The following BUB1B variants were observed in gnomAD, a reference collection of about 807,000 sequenced individuals.
BUB1B encodes the protein mitotic checkpoint serine/threonine-protein kinase BUB1 beta.
A neutral mutation model predicts 137.7 loss-of-function variants in BUB1B; 86 were observed. The ratio of observed to expected loss-of-function variants is 0.62; its 90% confidence interval spans 0.52 to 0.75. The LOEUF is 0.75. Among genes scored for constraint, BUB1B ranks in the 30% least tolerant of loss-of-function variants. The pLI is 0.00. For missense variants in BUB1B, 1,130 were observed against 1,236.9 expected, an observed-to-expected ratio of 0.91 and a Z score of 1.30; for synonymous variants, 420 against 417.9, an observed-to-expected ratio of 1.00 and a Z score of -0.06.
At chr15:40,162,267 TTGTCACTGGA>T (rs1189800439) in intron 1 of BUB1B, among the ~76,000 whole-genome samples, 78 of 152,292 alleles carry the variant, frequency 5.1e-4, no homozygotes, top group Non-Finnish European at 6.6e-4. Context: ...TCCAAGGCCA[TTGTCACTGGA>T]GCAGAATTAA....
In BUB1B at chr15:40,200,183, A is replaced by G. The variant is rs182819749; in HGVS notation, c.1402-61A>G. The G allele has an allele frequency of 4.4e-5, 50 of 1,136,664 alleles. No homozygotes were observed. The East Asian group carries it at 1.2e-3, about 27-fold the overall frequency. 70.4% of individuals were successfully genotyped at this position (1,136,664 alleles called of 1,614,324 possible). On this transcript the variant is annotated intron_variant, in intron 10 of 22. Coordinates refer to ENST00000287598, the MANE Select transcript of BUB1B (RefSeq NM_001211.6). Reference sequence around the variant, plus strand: ...AGAGTACAGTAAAGCTAATGTTAGAACTAGAAAATAGCATTTTCTGGATGG... The same window carrying G: ...AGAGTACAGTAAAGCTAATGTTAGAGCTAGAAAATAGCATTTTCTGGATGG...
chr15:40,216,012 C>T (rs2037775371), intron 20 of BUB1B, among the ~76,000 whole-genome samples: 4 of 151,972 alleles, frequency 2.6e-5, no homozygotes, highest in African/African-American at 9.7e-5. Flanking sequence ...AAATGAGATC[C>T]AAAAAAATGG....
At chr15:40,209,934 T>C (rs1163109637) in intron 17 of BUB1B, among the ~76,000 whole-genome samples, 159 bp downstream of exon 17, 2 of 152,376 alleles carry the variant, frequency 1.3e-5, no homozygotes, top group Non-Finnish European at 2.9e-5. Context: ...CATGTCCTAA[T>C]AATAGGAATT....
At chr15:40,218,897 T>C (rs1398173874) in intron 22 of BUB1B, among the ~76,000 whole-genome samples, 1 of 152,204 alleles carries the variant, frequency 6.6e-6, no homozygotes, top group Non-Finnish European at 1.5e-5. Flanking sequence ...GGTGTTAGCC[T>C]TAAATTCCTT....
chr15:40,180,662 T>TC (rs1195968364), intron 5 of BUB1B, among the ~76,000 whole-genome samples: 1 of 138,018 alleles, frequency 7.2e-6, no homozygotes, highest in African/African-American at 2.9e-5. Flanking sequence ...TTTTTTTTTT[T>TC]TTTTTGAGAC....
intron 9 of BUB1B, among the ~76,000 whole-genome samples, chr15:40,198,520 C>A (rs937832419): frequency 2.6e-5 from 4 of 152,296 alleles, no homozygotes; most frequent in African/African-American, 9.6e-5. Context: ...ACTTCAAAGA[C>A]TTGCCAACTA....
chr15:40,181,810 C>T (rs1181937892), intron 5 of BUB1B, among the ~76,000 whole-genome samples: 2 of 152,134 alleles, frequency 1.3e-5, no homozygotes, highest in African/African-American at 4.8e-5. Context: ...CTGTTTCATT[C>T]TTTTTTATAA....
intron 2 of BUB1B, chr15:40,166,604 T>C (rs2037101625): frequency 9.2e-6 from 2 of 217,152 alleles, no homozygotes; most frequent in South Asian, 1.1e-4. Flanking sequence ...CCTCCCAAAG[T>C]GCTGGGATTA....
intron 20 of BUB1B, among the ~76,000 whole-genome samples, chr15:40,216,579 T>A (rs1433238191): frequency 1.4e-3 from 176 of 129,964 alleles, no homozygotes; most frequent in African/African-American, 6.1e-3. Flanking sequence ...ATATTTTTTT[T>A]TTTTTTTAAT....
Position 40,210,409 on chromosome 15 carries a change from A to G in BUB1B, c.2385+199A>G, listed in dbSNP as rs534389427. On this transcript the variant is annotated intron_variant, in intron 18 of 22. Transcript: ENST00000287598. ...CTGCTCCAATCTGGACAAGTTATACATTAGCTTTCACACAATCACCACACA... is the reference window on the plus strand; with the variant it reads ...CTGCTCCAATCTGGACAAGTTATACGTTAGCTTTCACACAATCACCACACA... Among the ~76,000 whole-genome samples the G allele has an allele frequency of 2.2e-4, 33 of 152,326 alleles. No homozygotes were observed. The East Asian group carries it at 6.0e-3, about 28-fold the overall frequency.
At chr15:40,182,248 T>C (rs1425073766) in intron 5 of BUB1B, among the ~76,000 whole-genome samples, 2 of 152,186 alleles carry the variant, frequency 1.3e-5, no homozygotes, top group Non-Finnish European at 2.9e-5. Flanking sequence ...ACCATCTGGG[T>C]CATTTTATGT....
At position 40,212,256 on chromosome 15, in the gene BUB1B, A is replaced by G. The variant is rs574605076; in HGVS notation, c.2386-243A>G. Reference sequence around the variant, plus strand: ...GAAAATAGCCTTGTAGTGTAAATGTAGCTCAGCTTTCTCCTCTGCCAAAAT... The same window carrying G: ...GAAAATAGCCTTGTAGTGTAAATGTGGCTCAGCTTTCTCCTCTGCCAAAAT... On this transcript the variant is annotated intron_variant, in intron 18 of 22. Coordinates refer to ENST00000287598, the MANE Select transcript of BUB1B (RefSeq NM_001211.6). 2.6e-5 allele frequency among the ~76,000 whole-genome samples: 4 copies of G among 152,342 alleles called. No individual in the cohort carries two copies. In the South Asian group the frequency reaches 6.2e-4, roughly 24 times the overall value.
chr15:40,206,477 G>A lies in BUB1B; in HGVS notation c.2009+19G>A. 1 of 1,613,980 alleles carries A rather than the reference G, an allele frequency of 6.2e-7. No individual in the cohort carries two copies. The highest frequency in any genetic ancestry group is 8.5e-7 in the Non-Finnish European group (1 of 1,179,990). Reference sequence around the variant, plus strand: ...AGCTGAGGTGATTGGGGATTTACAGGTTTTACAAACCAGATTGTTTACTCT... The same window carrying A: ...AGCTGAGGTGATTGGGGATTTACAGATTTTACAAACCAGATTGTTTACTCT... On this transcript the variant is annotated intron_variant, in intron 15 of 22. Transcript: ENST00000287598.
At chr15:40,198,045 A>C (rs1277627099) in intron 9 of BUB1B, among the ~76,000 whole-genome samples, 36 of 152,094 alleles carry the variant, frequency 2.4e-4, no homozygotes. Flanking sequence ...AGTGGCTCAC[A>C]CCTGTAATCC....
At chr15:40,217,443 A>C in intron 20 of BUB1B, 53 bp from the exon 21 acceptor site, 12,118 of 1,109,174 alleles carry the variant, frequency 0.011, no homozygotes, top group Non-Finnish European at 0.015. Context: ...CCAGCTATGC[A>C]GCTTCTTTCA....
At chr15:40,170,392 T>G in intron 3 of BUB1B, 145 bp from the exon 4 acceptor site, 1 of 1,003,100 alleles carries the variant, frequency 1.0e-6, no homozygotes, top group South Asian at 1.4e-5. Context: ...TGGAGAAGTT[T>G]GAGGGATACA....
rs761247619 is a variant in BUB1B, at chr15:40,210,098, C to T, written c.2285-12C>T. The T allele has an allele frequency of 3.2e-6, 5 of 1,583,514 alleles. No homozygotes were observed. In the African/African-American group the frequency reaches 6.7e-5, roughly 21 times the overall value. On this transcript the variant is annotated splice_polypyrimidine_tract_variant and intron_variant, in intron 17 of 22. Coordinates refer to ENST00000287598, the MANE Select transcript of BUB1B (RefSeq NM_001211.6). ...ACAGTGATTTTTAAATGGAATCAAA[C>T]TTTCTCAACAGGTAATGAGGATTAC... is the stretch of plus-strand genomic sequence containing the variant.
In BUB1B at chr15:40,202,588, GTCC is replaced by G; in HGVS notation, c.1633_1635del (p.Pro545del). ...GCTAAGTGAGGTATGTCTTTTTCCA[GTCC>G]TCCTGCAGATCCCCCACGAGTTTTA... On this transcript the variant is annotated inframe_deletion and splice_region_variant, in exon 14 of 23. Transcript: ENST00000287598. 2 of 1,613,742 alleles carry G rather than the reference GTCC, an allele frequency of 1.2e-6. No homozygotes were observed. The highest frequency in any genetic ancestry group is 1.1e-5 in the South Asian group (1 of 91,080).
At position 40,196,706 on chromosome 15, in the gene BUB1B, T is replaced by G. The variant is rs750703763; in HGVS notation, c.1220T>G (p.Val407Gly). Residue 407 changes from valine (V) to glycine (G), a missense_variant, in exon 9 of 23, where the codon GTA becomes GGA. By Grantham distance (109) the Val-to-Gly change is moderately radical. Transcript: ENST00000287598. Reference protein sequence around the residue: ...MYCKEKIYAGVGEFSFEEIRA... With the variant: ...MYCKEKIYAGGGEFSFEEIRA... ...TGTAAGGAGAAGATTTATGCAGGAG[T>G]AGGGGAATTCTCCTTTGAAGAAATT... 30 of 1,613,834 alleles carry G rather than the reference T, an allele frequency of 1.9e-5. No individual in the cohort carries two copies. The highest frequency in any genetic ancestry group is 2.3e-5 in the Non-Finnish European group (27 of 1,179,908).
Sources: allele counts gnomAD v4.1 joint callset (sites outside exome capture counted in the v4.1 genomes callset), GRCh38; gene constraint gnomAD v4.1.1; transcripts MANE v1.5; gene names NCBI Gene and HGNC (gene_info 2026-07-23, HGNC 2026-07-21).